Variants in CAMTA1 observed in about 807,000 individuals in gnomAD.
The protein encoded by CAMTA1 is calmodulin-binding transcription activator 1.
Under a neutral mutation model 170.9 loss-of-function variants are expected in CAMTA1, and 27 were observed. That is an observed-to-expected ratio of 0.16 (90% confidence interval 0.12 to 0.22). The LOEUF (loss-of-function observed/expected upper bound fraction) is 0.22, where lower values mean the gene tolerates loss of function less well. CAMTA1 is among the 10% of genes least tolerant of loss of function. The pLI is 1.00. For synonymous variants in CAMTA1, 833 were observed against 891.5 expected (o/e 0.93, Z 1.17); for missense variants, 1,619 against 2,217.2 (o/e 0.73, Z 5.42).
At position 7,224,689 on chromosome 1, in the gene CAMTA1, A is replaced by C. The variant is rs1007806907; in HGVS notation, c.303-24802A>C. On this transcript the variant is annotated intron_variant, in intron 4 of 22. Transcript: ENST00000303635. The surrounding 1 kb of genome is among the most constrained non-coding windows in gnomAD (Gnocchi z 5.2). Reference sequence around the variant, plus strand: ...GCTGGTGTCATTGATTGCTAAGGGCAAGGCTCTAGGGTTAGTGGGGACCTG... The same window carrying C: ...GCTGGTGTCATTGATTGCTAAGGGCCAGGCTCTAGGGTTAGTGGGGACCTG... 6.6e-6 allele frequency among the ~76,000 whole-genome samples: 1 copy of C among 152,110 alleles called. No individual in the cohort carries two copies. The highest frequency in any genetic ancestry group is 1.5e-5 in the Non-Finnish European group (1 of 68,016).
intron 11 of CAMTA1, among the ~76,000 whole-genome samples, chr1:7,678,384 G>A (rs146007196): frequency 7.9e-5 from 12 of 152,350 alleles, no homozygotes; most frequent in Non-Finnish European, 1.5e-4. Context: ...AGGGTAGAGT[G>A]TCAGGGACCC....
chr1:6,974,038 T>C (rs921815656), intron 3 of CAMTA1, among the ~76,000 whole-genome samples: 1 of 152,244 alleles, frequency 6.6e-6, no homozygotes, highest in Non-Finnish European at 1.5e-5. Context: ...TTCTCATTAT[T>C]TAACGTTTGG....
intron 3 of CAMTA1, among the ~76,000 whole-genome samples, chr1:6,921,610 G>A (rs891143970): frequency 6.6e-6 from 1 of 152,264 alleles, no homozygotes; most frequent in African/African-American, 2.4e-5. Context: ...ACCCAAGACT[G>A]GGCAATTTAC....
At chr1:6,946,436 C>T (rs961746678) in intron 3 of CAMTA1, among the ~76,000 whole-genome samples, 2 of 152,154 alleles carry the variant, frequency 1.3e-5, no homozygotes, top group Admixed American at 1.3e-4. Context: ...CTTCTGAACT[C>T]TTGTCTTAGC....
chr1:7,161,280 C>G (rs1258413299), intron 4 of CAMTA1, among the ~76,000 whole-genome samples: 1 of 152,170 alleles, frequency 6.6e-6, no homozygotes, highest in African/African-American at 2.4e-5. Flanking sequence ...TCCTGCAGCC[C>G]TCCTTCTCCA....
intron 5 of CAMTA1, among the ~76,000 whole-genome samples, chr1:7,291,761 G>A (rs961155735): frequency 1.3e-5 from 2 of 152,250 alleles, no homozygotes; most frequent in Non-Finnish European, 2.9e-5. Flanking sequence ...CACTCCATTG[G>A]CGGCATTGCC....
At chr1:7,502,023 C>T (rs2094013735) in intron 6 of CAMTA1, among the ~76,000 whole-genome samples, 1 of 152,244 alleles carries the variant, frequency 6.6e-6, no homozygotes, top group Non-Finnish European at 1.5e-5. Flanking sequence ...GCCTTGGCTG[C>T]AATCTCAAGC....
chr1:7,668,410 C>CACACACACACACACAT (rs2096020873), intron 9 of CAMTA1, among the ~76,000 whole-genome samples: 2 of 144,752 alleles, frequency 1.4e-5, no homozygotes, highest in African/African-American at 5.4e-5. Context: ...CACACACACA[C>CACACACACACACACAT]ACACACACAC....
In CAMTA1 at chr1:7,044,383, C is replaced by A. The variant is rs912509748; in HGVS notation, c.235-46921C>A. Among the ~76,000 whole-genome samples, 2 of 151,542 alleles carry A rather than the reference C, an allele frequency of 1.3e-5. No homozygotes were observed. Among genetic ancestry groups the A allele is most frequent in the Admixed American group, 6.6e-5 (1 of 15,210 alleles). ...CGCTGGGGACCCTGGGGACTCACAG[C>A]AGTACTGCTGGGGACGCCGAGGACG... is the stretch of plus-strand genomic sequence containing the variant. On this transcript the variant is annotated intron_variant, in intron 3 of 22. Coordinates refer to ENST00000303635, the MANE Select transcript of CAMTA1 (RefSeq NM_015215.4). The surrounding 1 kb of genome is among the most constrained non-coding windows in gnomAD (Gnocchi z 5.0).
intron 6 of CAMTA1, among the ~76,000 whole-genome samples, chr1:7,613,527 C>A (rs2095537682): frequency 6.6e-6 from 1 of 152,156 alleles, no homozygotes; most frequent in African/African-American, 2.4e-5. Context: ...AACCAGCCCC[C>A]TCCAGGACCT....
intron 4 of CAMTA1, among the ~76,000 whole-genome samples, chr1:7,244,572 T>A (rs985091061): frequency 6.6e-6 from 1 of 152,114 alleles, no homozygotes; most frequent in African/African-American, 2.4e-5. Context: ...TAAAAAATGA[T>A]GAGTTCATGT....
In CAMTA1 at chr1:6,887,657, C is replaced by T. The variant is rs3810982; in HGVS notation, c.234+62447C>T. On this transcript the variant is annotated intron_variant, in intron 3 of 22. Coordinates refer to ENST00000303635, the MANE Select transcript of CAMTA1 (RefSeq NM_015215.4). The surrounding 1 kb of genome is among the most constrained non-coding windows in gnomAD (Gnocchi z 4.1). ...ATTTTACACCTATTTATTTCAGGCT[C>T]TCACCACACACTTGTTCATGGGCGC... 0.18 allele frequency: 273,693 copies of T among 1,534,720 alleles called. 25,160 individuals carry two copies. The highest frequency in any genetic ancestry group is 0.29 in the East Asian group (12,051 of 40,872).
rs1209194998 is a variant in CAMTA1, at chr1:7,435,224, GGGGGTGCATTCAAAC to G, written c.439-32605_439-32591del. Among the ~76,000 whole-genome samples, 133 of 152,282 alleles carry G rather than the reference GGGGGTGCATTCAAAC, an allele frequency of 8.7e-4. 1 individual carries two copies. Among genetic ancestry groups the G allele is most frequent in the Non-Finnish European group, 2.6e-4 (18 of 68,016 alleles). On this transcript the variant is annotated intron_variant, in intron 5 of 22. Coordinates refer to ENST00000303635, the MANE Select transcript of CAMTA1 (RefSeq NM_015215.4). The surrounding 1 kb of genome is among the most constrained non-coding windows in gnomAD (Gnocchi z 4.4). ...ACATTGGCAACAGCTGCATTTTGGA[GGGGGTGCATTCAAAC>G]CACAGCAGTTTGCCTAGACCTGCTG...
intron 4 of CAMTA1, among the ~76,000 whole-genome samples, chr1:7,247,234 C>T (rs374785997): frequency 3.3e-5 from 5 of 152,332 alleles, no homozygotes; most frequent in South Asian, 2.1e-4. Flanking sequence ...CTGAAAGTGC[C>T]GGATGACAGG....
chr1:7,563,848 G>A (rs1282557375), intron 6 of CAMTA1, among the ~76,000 whole-genome samples: 2 of 152,182 alleles, frequency 1.3e-5, no homozygotes, highest in Non-Finnish European at 2.9e-5. Flanking sequence ...CCAAATGCCT[G>A]CCCATGGAAC....
intron 3 of CAMTA1, among the ~76,000 whole-genome samples, chr1:7,004,780 G>T (rs1287701485): frequency 6.6e-6 from 1 of 151,820 alleles, no homozygotes; most frequent in Non-Finnish European, 1.5e-5. Flanking sequence ...TTTATTTATT[G>T]ATTTGGAGAT....
At chr1:7,497,181 T>C (rs1335110381) in intron 6 of CAMTA1, among the ~76,000 whole-genome samples, 1 of 152,130 alleles carries the variant, frequency 6.6e-6, no homozygotes, top group Non-Finnish European at 1.5e-5. Flanking sequence ...GCTGCCCGTC[T>C]CACACCTCCC....
intron 4 of CAMTA1, among the ~76,000 whole-genome samples, chr1:7,165,857 A>G (rs996145874): frequency 1.3e-5 from 2 of 152,180 alleles, no homozygotes; most frequent in Non-Finnish European, 2.9e-5. Flanking sequence ...CTCTTGCAAC[A>G]TTGTTCTTAA....
At chr1:7,587,292 G>A (rs1376024950) in intron 6 of CAMTA1, among the ~76,000 whole-genome samples, 2 of 151,948 alleles carry the variant, frequency 1.3e-5, no homozygotes, top group African/African-American at 2.4e-5. Context: ...TGGCCAGACA[G>A]ATACCCCCAC....
Sources: gnomAD v4.1 joint callset for allele counts (sites outside exome capture counted in the v4.1 genomes callset) on GRCh38, gnomAD v4.1.1 for gene constraint, Gnocchi (gnomAD v3.1) non-coding constraint, MANE v1.5 for transcripts, NCBI Gene and HGNC (gene_info 2026-07-23, HGNC 2026-07-21) for gene names.